The following MORF4L1 variants were observed in gnomAD, a reference collection of about 807,000 sequenced individuals.
MORF4L1 encodes the protein mortality factor 4 like 1, also known as mortality factor 4-like protein 1.
In MORF4L1, 4 loss-of-function variants were observed where a neutral mutation model predicts 52.9. The observed-to-expected ratio is 0.08, with a 90% confidence interval of 0.04 to 0.17. The LOEUF (loss-of-function observed/expected upper bound fraction) is 0.17, where lower values mean the gene tolerates loss of function less well. MORF4L1 is among the 10% of genes least tolerant of loss of function. The pLI is 1.00. For missense variants in MORF4L1, 214 were observed against 390.4 expected, an observed-to-expected ratio of 0.55 and a Z score of 3.81; for synonymous variants, 123 against 134.8, an observed-to-expected ratio of 0.91 and a Z score of 0.61.
chr15:78,895,320 G>A (rs1172751629), intron 11 of MORF4L1, among the ~76,000 whole-genome samples: 1 of 152,154 alleles, frequency 6.6e-6, no homozygotes, highest in African/African-American at 2.4e-5. Flanking sequence ...GAGTTCTTCG[G>A]TAAGAAATGA....
At chr15:78,893,803 A>G (rs945279390) in intron 9 of MORF4L1, among the ~76,000 whole-genome samples, 176 bp downstream of exon 9, 9 of 152,356 alleles carry the variant, frequency 5.9e-5, no homozygotes, top group African/African-American at 2.2e-4. Context: ...AGGGCCAGAT[A>G]GTAAATATTT....
chr15:78,873,051 C>A lies in MORF4L1; in HGVS notation c.34C>A (p.Gln12Lys), dbSNP rs1347515238. The A allele has an allele frequency of 6.4e-7, 1 of 1,552,018 alleles. No homozygotes were observed. Among genetic ancestry groups the A allele is most frequent in the Non-Finnish European group, 8.7e-7 (1 of 1,147,052 alleles). ...GAAGCAGGACCCGAAGCCTAAATTCCAGGAGGGTGAGTGTGCGCCTTTGGG... is the reference window on the plus strand; with the variant it reads ...GAAGCAGGACCCGAAGCCTAAATTCAAGGAGGGTGAGTGTGCGCCTTTGGG... ...APKQDPKPKF[Q>K]EGERVLCFHG... The change falls in exon 1 of 12, where the codon CAG becomes AAG. Residue 12 changes from glutamine to lysine, a missense_variant. Transcript: ENST00000426013.
intron 3 of MORF4L1, among the ~76,000 whole-genome samples, chr15:78,883,238 CAT>C (rs979987437): frequency 2.7e-5 from 4 of 147,374 alleles, no homozygotes; most frequent in African/African-American, 9.9e-5. Flanking sequence ...CGATTGAACA[CAT>C]AAAAAACTAA....
At chr15:78,896,386 A>G (rs1411326091) in intron 11 of MORF4L1, among the ~76,000 whole-genome samples, 1 of 132,614 alleles carries the variant, frequency 7.5e-6, no homozygotes, top group Admixed American at 9.6e-5. Context: ...ATCTCAGCTC[A>G]CCACAACCTC....
At chr15:78,894,938 T>G (rs1567319629) in intron 11 of MORF4L1, 34 bp downstream of exon 11, 1 of 1,538,668 alleles carries the variant, frequency 6.5e-7, no homozygotes, top group South Asian at 1.1e-5. Flanking sequence ...AACATGGATT[T>G]GAAAATTAGC....
chr15:78,882,720 A>G (rs2056624771), intron 3 of MORF4L1, among the ~76,000 whole-genome samples: 1 of 151,994 alleles, frequency 6.6e-6, no homozygotes, highest in African/African-American at 2.4e-5. Context: ...TAGGATATCA[A>G]AAAAAAACAC....
chr15:78,882,000 T>C (rs973198836), intron 3 of MORF4L1, among the ~76,000 whole-genome samples: 3 of 152,244 alleles, frequency 2.0e-5, no homozygotes, highest in Non-Finnish European at 2.9e-5. Flanking sequence ...TAATTTTATT[T>C]CTTTGTTAGG....
chr15:78,898,067 A>G lies in MORF4L1; in HGVS notation c.*1000A>G, dbSNP rs1439811135. The G allele has an allele frequency of 6.6e-6, 1 of 152,102 alleles. No homozygotes were observed. The highest frequency in any genetic ancestry group is 1.5e-5 in the Non-Finnish European group (1 of 68,030). The allele number at this position is 152,102 out of a possible 1,614,324, so 9.4% of individuals were successfully genotyped here. On this transcript the variant is annotated 3_prime_UTR_variant, in exon 12 of 12. Coordinates refer to ENST00000426013, the MANE Select transcript of MORF4L1 (RefSeq NM_006791.4). ...TATAATTGTTTACTTTTGTGGGTTT[A>G]CTCTAGAAACATGAGCCAAAAATGT...
At chr15:78,880,480 A>T in intron 2 of MORF4L1, 32 bp from the exon 3 acceptor site, 1 of 1,523,470 alleles carries the variant, frequency 6.6e-7, no homozygotes, top group Non-Finnish European at 9.0e-7. Context: ...AAAAATTTCT[A>T]AGTGAATTAT....
chr15:78,875,166 T>G (rs558894098), intron 1 of MORF4L1, among the ~76,000 whole-genome samples: 1 of 152,338 alleles, frequency 6.6e-6, no homozygotes, highest in African/African-American at 2.4e-5. Context: ...TATGTATTTA[T>G]GAAACTATTA....
intron 8 of MORF4L1, 156 bp downstream of exon 8, chr15:78,892,469 C>A (rs754312515): frequency 1.0e-5 from 5 of 491,574 alleles, no homozygotes; most frequent in South Asian, 4.0e-5. Flanking sequence ...AGAACTACTA[C>A]CAGAAAGAGT....
chr15:78,873,307 C>G, intron 1 of MORF4L1: 3 of 1,226,738 alleles, frequency 2.4e-6, no homozygotes, highest in Non-Finnish European at 3.3e-6. Flanking sequence ...GTGGCACACC[C>G]TCGTCAAGTG....
intron 5 of MORF4L1, 117 bp from the exon 6 acceptor site, chr15:78,890,872 C>T: frequency 1.0e-6 from 1 of 987,594 alleles, no homozygotes; most frequent in Non-Finnish European, 1.4e-6. Context: ...ACATATTTAC[C>T]ACCTGATCCT....
At chr15:78,873,087 C>T (rs762011206) in intron 1 of MORF4L1, 30 bp downstream of exon 1, 2 of 1,550,130 alleles carry the variant, frequency 1.3e-6, no homozygotes, top group Non-Finnish European at 1.7e-6. Flanking sequence ...AAAAAGGCAC[C>T]TAACGGCGCA....
intron 4 of MORF4L1, 114 bp from the exon 5 acceptor site, chr15:78,887,155 G>C (rs559206471): frequency 7.2e-6 from 6 of 833,004 alleles, no homozygotes; most frequent in Non-Finnish European, 9.8e-6. Flanking sequence ...TGTCCAACTT[G>C]TTAAAAACTT....
intron 2 of MORF4L1, 92 bp downstream of exon 2, chr15:78,878,351 CAGTA>C: frequency 8.7e-7 from 1 of 1,153,482 alleles, no homozygotes; most frequent in Non-Finnish European, 1.2e-6. Context: ...GTTGTTGCCT[CAGTA>C]AGAGAGTTGC....
intron 4 of MORF4L1, among the ~76,000 whole-genome samples, 169 bp from the exon 5 acceptor site, chr15:78,887,100 T>A (rs2056719357): frequency 6.6e-6 from 1 of 152,248 alleles, no homozygotes; most frequent in Non-Finnish European, 1.5e-5. Flanking sequence ...ATTGAGCCTT[T>A]TGCTGTTTCT....
chr15:78,889,855 A>G (rs2056768646), intron 5 of MORF4L1, among the ~76,000 whole-genome samples: 1 of 152,236 alleles, frequency 6.6e-6, no homozygotes, highest in South Asian at 2.1e-4. Context: ...GTGTTATAGT[A>G]TCTTTCCATC....
intron 9 of MORF4L1, 102 bp from the exon 10 acceptor site, chr15:78,893,956 A>G (rs2056841917): frequency 1.7e-6 from 2 of 1,188,252 alleles, no homozygotes; most frequent in Admixed American, 2.3e-5. Flanking sequence ...GCTATGGTTC[A>G]TTATTACTAG....
Sources: allele counts gnomAD v4.1 joint callset (sites outside exome capture counted in the v4.1 genomes callset), GRCh38; gene constraint gnomAD v4.1.1; transcripts MANE v1.5; gene names NCBI Gene and HGNC (gene_info 2026-07-23, HGNC 2026-07-21).